KCNH7: variants seen among roughly 807,000 people sequenced by gnomAD.
KCNH7 encodes the protein potassium voltage-gated channel subfamily H member 7, also known as voltage-gated inwardly rectifying potassium channel KCNH7.
In KCNH7, 49 loss-of-function variants were observed where a neutral mutation model predicts 120.8. That is an observed-to-expected ratio of 0.41 (90% confidence interval 0.32 to 0.51). The LOEUF is 0.51. Among genes scored for constraint, KCNH7 ranks in the 20% least tolerant of loss-of-function variants. The probability of loss-of-function intolerance (pLI) is 0.38; values close to 1 mark genes in which losing one functional copy is unlikely to be tolerated. For synonymous variants in KCNH7, 547 were observed against 516.1 expected, an observed-to-expected ratio of 1.06 and a Z score of -0.81; for missense variants, 1,097 against 1,446.6, an observed-to-expected ratio of 0.76 and a Z score of 3.92.
chr2:162,532,352 G>T (rs138747337), intron 3 of KCNH7, among the ~76,000 whole-genome samples: 2 of 152,004 alleles, frequency 1.3e-5, no homozygotes, highest in East Asian at 3.9e-4. Flanking sequence ...TCAAGAGCAG[G>T]TCTGTAACAT....
At chr2:162,811,864 TC>T (rs1385278484) in intron 2 of KCNH7, among the ~76,000 whole-genome samples, 2 of 152,098 alleles carry the variant, frequency 1.3e-5, no homozygotes, top group Non-Finnish European at 2.9e-5. Flanking sequence ...CGTAGACTCT[TC>T]TGAACAAAGT....
At chr2:162,391,497 CT>C in intron 12 of KCNH7, among the ~76,000 whole-genome samples, 1 of 152,164 alleles carries the variant, frequency 6.6e-6, no homozygotes, top group African/African-American at 2.4e-5. Flanking sequence ...CATTGACCAA[CT>C]CATGGTTACT....
chr2:162,818,439 T>G (rs1217770216), intron 2 of KCNH7, among the ~76,000 whole-genome samples: 1 of 152,118 alleles, frequency 6.6e-6, no homozygotes. Context: ...CATTGATTAT[T>G]ATTTATTTAT....
chr2:162,426,165 G>A (rs1296356091), intron 8 of KCNH7, among the ~76,000 whole-genome samples: 1 of 143,830 alleles, frequency 7.0e-6, no homozygotes, highest in African/African-American at 2.6e-5. Flanking sequence ...AGTGAGCCAA[G>A]TTCACGCCAC....
intron 6 of KCNH7, among the ~76,000 whole-genome samples, chr2:162,501,585 A>G (rs1039185204): frequency 1.3e-5 from 2 of 152,084 alleles, no homozygotes; most frequent in African/African-American, 4.8e-5. Context: ...GTCCACAGTT[A>G]TGGCGGCTGT....
chr2:162,700,380 C>A (rs918876028), intron 2 of KCNH7, among the ~76,000 whole-genome samples: 4 of 152,156 alleles, frequency 2.6e-5, no homozygotes, highest in African/African-American at 9.7e-5. Flanking sequence ...GACCTCGTGA[C>A]TGGAAAGTCA....
intron 2 of KCNH7, among the ~76,000 whole-genome samples, chr2:162,549,060 T>C (rs34104060): frequency 1.3e-5 from 2 of 152,288 alleles, no homozygotes; most frequent in African/African-American, 4.8e-5. Flanking sequence ...TTATTTATGG[T>C]CCTATTATCC....
At chr2:162,396,697 A>G in intron 11 of KCNH7, 43 bp downstream of exon 11, 1 of 1,386,204 alleles carries the variant, frequency 7.2e-7, no homozygotes, top group Non-Finnish European at 1.0e-6. Context: ...AGAATAAAAT[A>G]AAATGTCAGA....
rs143890186 is a variant in KCNH7 at position 162,645,242 on chromosome 2, G to T, written c.308-108162C>A. Among the ~76,000 whole-genome samples the T allele has an allele frequency of 3.7e-3, 568 of 152,126 alleles. 1 individual carries two copies. The highest frequency in any genetic ancestry group is 0.013 in the African/African-American group (533 of 41,508). On this transcript the variant is annotated intron_variant, in intron 2 of 15. Coordinates refer to ENST00000332142, the MANE Select transcript of KCNH7 (RefSeq NM_033272.4). ...GGCTCACTGCAACCTCCGCCTCCCG[G>T]GTTCAAGTGATTCTCTTGCCTCAGC...
intron 9 of KCNH7, among the ~76,000 whole-genome samples, chr2:162,419,657 G>A (rs1687641560): frequency 6.6e-6 from 1 of 152,014 alleles, no homozygotes; most frequent in Non-Finnish European, 1.5e-5. Context: ...TGCTCATACA[G>A]GCATTTTTTC....
chr2:162,550,451 C>A (rs1240137741), intron 2 of KCNH7, among the ~76,000 whole-genome samples: 1 of 152,110 alleles, frequency 6.6e-6, no homozygotes, highest in Non-Finnish European at 1.5e-5. Flanking sequence ...AGTATTTATT[C>A]CCCAGATTCA....
chr2:162,708,446 G>C (rs1216928160), intron 2 of KCNH7, among the ~76,000 whole-genome samples: 1 of 152,058 alleles, frequency 6.6e-6, no homozygotes, highest in Non-Finnish European at 1.5e-5. Context: ...CACAGGCCTA[G>C]AGGTATAAGT....
intron 6 of KCNH7, among the ~76,000 whole-genome samples, chr2:162,464,557 G>A (rs941762365): frequency 6.6e-6 from 1 of 151,900 alleles, no homozygotes; most frequent in African/African-American, 2.4e-5. Context: ...CTATATCCAT[G>A]TCCCGGACTC....
chr2:162,609,894 G>T (rs978683172), intron 2 of KCNH7, among the ~76,000 whole-genome samples: 1 of 152,154 alleles, frequency 6.6e-6, no homozygotes, highest in Admixed American at 6.5e-5. Flanking sequence ...GCAGATTATC[G>T]TCAGGAAGAG....
At chr2:162,785,764 G>T (rs1683678167) in intron 2 of KCNH7, among the ~76,000 whole-genome samples, 1 of 152,052 alleles carries the variant, frequency 6.6e-6, no homozygotes, top group Non-Finnish European at 1.5e-5. Context: ...GTTGTTGCTT[G>T]TTGGCTGTTT....
intron 2 of KCNH7, among the ~76,000 whole-genome samples, chr2:162,625,167 G>A (rs1424988394): frequency 6.6e-6 from 1 of 151,926 alleles, no homozygotes; most frequent in Non-Finnish European, 1.5e-5. Context: ...AAAGTGCTGG[G>A]GTTACAGGCA....
intron 5 of KCNH7, among the ~76,000 whole-genome samples, chr2:162,505,920 T>C (rs918159): frequency 0.78 from 118,087 of 151,720 alleles, 48,224 homozygotes; most frequent in Non-Finnish European, 0.92. Flanking sequence ...ATCAATCAAC[T>C]TGGGTCAGAT....
intron 2 of KCNH7, among the ~76,000 whole-genome samples, chr2:162,815,570 G>A (rs1232684750): frequency 6.6e-6 from 1 of 152,192 alleles, no homozygotes; most frequent in Non-Finnish European, 1.5e-5. Flanking sequence ...ACCTGGGTCA[G>A]GAAGCCCTGA....
At chr2:162,620,942 G>T (rs559353196) in intron 2 of KCNH7, among the ~76,000 whole-genome samples, 3 of 152,092 alleles carry the variant, frequency 2.0e-5, no homozygotes, top group Non-Finnish European at 4.4e-5. Context: ...ATTATGCTGG[G>T]ATGAAAGGCA....
Sources: allele counts gnomAD v4.1 joint callset (sites outside exome capture counted in the v4.1 genomes callset), GRCh38; gene constraint gnomAD v4.1.1; transcripts MANE v1.5; gene names NCBI Gene and HGNC (gene_info 2026-07-23, HGNC 2026-07-21).